The following LRP2BP variants were observed in gnomAD, a reference collection of about 807,000 sequenced individuals.
The protein encoded by LRP2BP is LRP2-binding protein.
In LRP2BP, 38 loss-of-function variants were observed where a neutral mutation model predicts 45.2. That is an observed-to-expected ratio of 0.84 (90% CI 0.65 to 1.10). The LOEUF is 1.10. Among genes scored for constraint, LRP2BP ranks in the 50% least tolerant of loss-of-function variants. LRP2BP has a pLI of 0.00. For synonymous variants in LRP2BP, 153 were observed against 153.9 expected, an observed-to-expected ratio of 0.99 and a Z score of 0.04; for missense variants, 385 against 418.9, an observed-to-expected ratio of 0.92 and a Z score of 0.71.
chr4:185,381,264 T>A (rs2095455368), intron 1 of LRP2BP, among the ~76,000 whole-genome samples: 1 of 152,242 alleles, frequency 6.6e-6, no homozygotes, highest in Non-Finnish European at 1.5e-5. Context: ...TAGTTGTAAT[T>A]TTTTTCCTTC....
At chr4:185,392,112 C>A (rs2095489781) in intron 1 of LRP2BP, among the ~76,000 whole-genome samples, 1 of 152,206 alleles carries the variant, frequency 6.6e-6, no homozygotes. Context: ...TAACTTTCTA[C>A]CTTTTTCTCT....
At chr4:185,385,027 T>TG (rs2095466808) in intron 1 of LRP2BP, among the ~76,000 whole-genome samples, 1 of 151,852 alleles carries the variant, frequency 6.6e-6, no homozygotes, top group South Asian at 2.1e-4. Context: ...AGGAAAAGTG[T>TG]GGGGAAAGAC....
chr4:185,396,012 G>A (rs958745537), upstream of LRP2BP: 4 of 653,674 alleles, frequency 6.1e-6, no homozygotes, highest in African/African-American at 3.9e-5. Flanking sequence ...AGCACCCGCG[G>A]GGCCGGACAG....
upstream of LRP2BP, chr4:185,396,259 C>A (rs565123315): frequency 2.0e-5 from 3 of 152,380 alleles, no homozygotes; most frequent in Admixed American, 2.0e-4. Context: ...CGGGCGACTG[C>A]GCGCGAGGTA....
At chr4:185,397,035 C>G, upstream of LRP2BP, 1 of 1,609,258 alleles carries the variant, frequency 6.2e-7, no homozygotes, top group African/African-American at 1.3e-5. Context: ...CGGGGACGGA[C>G]CACTGGGCGC....
At chr4:185,385,905 A>AGC (rs762581661) in intron 1 of LRP2BP, among the ~76,000 whole-genome samples, 2 of 34,894 alleles carry the variant, frequency 5.7e-5, no homozygotes, top group African/African-American at 1.9e-4. Context: ...TGTCTCGGGG[A>AGC]GGGGGGGGGG....
rs955213692 is a variant in LRP2BP at position 185,364,685 on chromosome 4, TG to T, written c.*2494del. On this transcript the variant is annotated 3_prime_UTR_variant, in exon 9 of 9. Transcript: ENST00000505916. ...GCTTTTTTATCCTTTTTTCAAACCA[TG>T]ATGATATTTGACACTTAAAAAAATA... 2 of 152,056 alleles carry T rather than the reference TG, an allele frequency of 1.3e-5. No homozygotes were observed. The highest frequency in any genetic ancestry group is 2.9e-5 in the Non-Finnish European group (2 of 68,008). The allele number at this position is 152,056 out of a possible 1,614,324, so 9.4% of individuals were successfully genotyped here. A position where few individuals can be genotyped will look rare whatever the true frequency, so the allele number is the denominator to read the frequency against.
Position 185,372,962 on chromosome 4 carries a change from A to C in LRP2BP, c.697T>G (p.Cys233Gly), listed in dbSNP as rs1417571570. The change falls in exon 7 of 9, where the codon TGC becomes GGC. Residue 233 changes from cysteine to glycine, a missense_variant. Transcript: ENST00000505916. ...IRQDTEAALQ[C>G]LREAAERGNV... ...CCGCGTTCTGCTGCTTCTCTTAAGC[A>C]CTGCAGGGCAGCTTCCGTATCCTGC... 6.2e-6 allele frequency: 10 copies of C among 1,614,002 alleles called. No homozygotes were observed. Among genetic ancestry groups the C allele is most frequent in the Non-Finnish European group, 8.5e-6 (10 of 1,179,848 alleles).
intron 1 of LRP2BP, among the ~76,000 whole-genome samples, chr4:185,389,560 T>G (rs1271837526): frequency 6.6e-6 from 1 of 152,152 alleles, no homozygotes; most frequent in African/African-American, 2.4e-5. Flanking sequence ...TGATGCTAAG[T>G]TCTATTCAGA....
chr4:185,394,326 T>C (rs1247535156), intron 1 of LRP2BP, among the ~76,000 whole-genome samples: 1 of 148,096 alleles, frequency 6.8e-6, no homozygotes, highest in African/African-American at 2.5e-5. Flanking sequence ...TTAGCCTGAA[T>C]TGACCAGAGG....
chr4:185,391,795 G>A (rs2095489027), intron 1 of LRP2BP, among the ~76,000 whole-genome samples: 1 of 152,164 alleles, frequency 6.6e-6, no homozygotes, highest in Non-Finnish European at 1.5e-5. Flanking sequence ...CTAGAGAATG[G>A]TATTAGAAAC....
chr4:185,375,945 T>C (rs1417482629), intron 3 of LRP2BP, among the ~76,000 whole-genome samples: 28 of 152,004 alleles, frequency 1.8e-4, no homozygotes, highest in Admixed American at 1.8e-3. Flanking sequence ...CAGCAAACAT[T>C]TGTTGCCAGG....
chr4:185,378,451 G>T (rs1190739804), intron 1 of LRP2BP: 2 of 1,257,672 alleles, frequency 1.6e-6, no homozygotes, highest in Admixed American at 7.5e-5. Context: ...CATGAGACCT[G>T]TTTGCACGTC....
At position 185,393,248 on chromosome 4, in the gene LRP2BP, T is replaced by A. The variant is rs57648284; in HGVS notation, c.-22+1531A>T. Among the ~76,000 whole-genome samples, 229 of 152,288 alleles carry A rather than the reference T, an allele frequency of 1.5e-3. 1 individual carries two copies. Among genetic ancestry groups the A allele is most frequent in the African/African-American group, 4.7e-3 (194 of 41,554 alleles). ...ATCTGGTGAGATTTTTAGTTTTACA[T>A]TATTTCACTTGCTTTAGAGCTGAAG... On this transcript the variant is annotated intron_variant, in intron 1 of 8. Coordinates refer to ENST00000505916, the MANE Select transcript of LRP2BP (RefSeq NM_001377440.1).
chr4:185,381,188 A>G (rs1158125741), intron 1 of LRP2BP, among the ~76,000 whole-genome samples: 3 of 152,212 alleles, frequency 2.0e-5, no homozygotes, highest in African/African-American at 4.8e-5. Context: ...AAATGGAATC[A>G]TACAGTGTGT....
At chr4:185,379,534 A>G (rs2095449078) in intron 1 of LRP2BP, among the ~76,000 whole-genome samples, 1 of 152,226 alleles carries the variant, frequency 6.6e-6, no homozygotes, top group Non-Finnish European at 1.5e-5. Flanking sequence ...AAGACTGCAC[A>G]TGGTTTTTGC....
chr4:185,376,909 C>T lies in LRP2BP; in HGVS notation c.216G>A (p.Glu72=). 1 of 1,600,162 alleles carries T rather than the reference C, an allele frequency of 6.2e-7. No homozygotes were observed. The highest frequency in any genetic ancestry group is 8.6e-7 in the Non-Finnish European group (1 of 1,168,764). The change falls in exon 3 of 9, where the codon GAG becomes GAA. Residue 72 remains glutamate (E), a splice_region_variant and synonymous_variant. Coordinates refer to ENST00000505916, the MANE Select transcript of LRP2BP (RefSeq NM_001377440.1). The stretch of plus-strand genomic sequence containing the variant: ...AAAACGAATAAACAAAAAATGATAC[C>T]TCTTCAAAATATAGTTGACCTCGTA... ...YFLRGQLYFE[E]GWYEEALEQF... is the part of the protein sequence containing the mutation.
intron 4 of LRP2BP, 31 bp from the exon 5 acceptor site, chr4:185,374,492 A>T (rs529754295): frequency 6.2e-7 from 1 of 1,600,886 alleles, no homozygotes; most frequent in Non-Finnish European, 8.5e-7. Flanking sequence ...AAAAAACCCT[A>T]GTTTTTAGTT....
At chr4:185,368,086 G>T (rs887699115) in intron 8 of LRP2BP, among the ~76,000 whole-genome samples, 3 of 152,198 alleles carry the variant, frequency 2.0e-5, no homozygotes, top group African/African-American at 7.2e-5. Flanking sequence ...GCTGAGCCAG[G>T]AGAATGGCGT....
Sources: gnomAD v4.1 joint callset for allele counts (sites outside exome capture counted in the v4.1 genomes callset) on GRCh38, gnomAD v4.1.1 for gene constraint, MANE v1.5 for transcripts, NCBI Gene and HGNC (gene_info 2026-07-23, HGNC 2026-07-21) for gene names.